EVL: variants seen among roughly 807,000 people sequenced by gnomAD.
The protein encoded by EVL is Enah/Vasp-like, also known as ena/VASP-like protein.
In EVL, 21 loss-of-function variants were observed where a neutral mutation model predicts 59.6. That is an observed-to-expected ratio of 0.35 (90% confidence interval 0.25 to 0.51). The LOEUF (loss-of-function observed/expected upper bound fraction) is 0.51. EVL is among the 20% of genes least tolerant of loss of function. The pLI is 0.97. For synonymous variants in EVL, 198 were observed against 203.5 expected (o/e 0.97, Z 0.23); for missense variants, 462 against 546.6 (o/e 0.85, Z 1.54).
chr14:100,129,598 G>C lies in EVL; in HGVS notation c.753G>C (p.Gly251=). 3.7e-6 allele frequency: 6 copies of C among 1,613,700 alleles called. No individual in the cohort carries two copies. The highest frequency in any genetic ancestry group is 5.1e-6 in the Non-Finnish European group (6 of 1,179,922). Residue 251 remains glycine, a synonymous_variant, in exon 7 of 14, where the codon GGG becomes GGC. Transcript: ENST00000392920. ...CATCTGGAGGCTCCAGTCCCAGTGG[G>C]ACCTCAAAGTCCGATGCCAACCGGG... ...EDASGGSSPS[G]TSKSDANRAS... is the part of the protein sequence containing the mutation.
intron 2 of EVL, among the ~76,000 whole-genome samples, chr14:100,088,459 A>G (rs1309316769): frequency 6.6e-6 from 1 of 152,072 alleles, no homozygotes; most frequent in Non-Finnish European, 1.5e-5. Flanking sequence ...GCTCACACAA[A>G]CCTAGATGGT....
chr14:100,135,017 T>C (rs1356919566), intron 8 of EVL: 1 of 152,280 alleles, frequency 6.6e-6, no homozygotes, highest in Non-Finnish European at 1.5e-5. Context: ...GTGACTCTGA[T>C]GTCACCCTGT....
chr14:100,078,741 C>G (rs1260971878), intron 1 of EVL, among the ~76,000 whole-genome samples: 1 of 152,134 alleles, frequency 6.6e-6, no homozygotes, highest in Admixed American at 6.5e-5. Context: ...GAGTTCCCAG[C>G]AGGGCAGCTC....
At chr14:100,102,381 T>TATG (rs1886278274) in intron 3 of EVL, 1 of 455,988 alleles carries the variant, frequency 2.2e-6, no homozygotes, top group African/African-American at 2.0e-5. Context: ...CGTCATGTGG[T>TATG]ATGTTCCAGG....
intron 1 of EVL, among the ~76,000 whole-genome samples, chr14:99,987,364 G>A (rs1414669406): frequency 1.3e-5 from 2 of 152,132 alleles, no homozygotes; most frequent in East Asian, 1.9e-4. Flanking sequence ...GTTAGAGGCC[G>A]GGCATGGTGG....
intron 1 of EVL, among the ~76,000 whole-genome samples, chr14:100,057,120 G>A (rs1435295783): frequency 6.6e-6 from 1 of 152,198 alleles, no homozygotes; most frequent in Non-Finnish European, 1.5e-5. Context: ...GGTTGTTTCA[G>A]GAGGTGAGGA....
intron 8 of EVL, among the ~76,000 whole-genome samples, chr14:100,133,351 CT>C (rs1242712487): frequency 1.3e-5 from 2 of 152,192 alleles, no homozygotes; most frequent in African/African-American, 4.8e-5. Flanking sequence ...CCATGTTAAG[CT>C]TTTCCTATAA....
At chr14:100,034,769 A>G (rs867676499) in intron 1 of EVL, among the ~76,000 whole-genome samples, 35 of 152,256 alleles carry the variant, frequency 2.3e-4, no homozygotes, top group African/African-American at 8.2e-4. Context: ...ATAAAAGAGT[A>G]TAAGATTAGA....
At chr14:100,133,208 GGAGCTTCAGGT>G (rs562596756) in intron 8 of EVL, among the ~76,000 whole-genome samples, 41 of 152,196 alleles carry the variant, frequency 2.7e-4, no homozygotes, top group Non-Finnish European at 5.9e-4. Context: ...TCTTCCAGCA[GGAGCTTCAGGT>G]GAGCTGTGGC....
chr14:100,125,703 G>A (rs1051929384), intron 4 of EVL, among the ~76,000 whole-genome samples: 6 of 151,876 alleles, frequency 4.0e-5, no homozygotes, highest in African/African-American at 7.3e-5. Context: ...TTACAGGCGC[G>A]CGCCACCACA....
intron 1 of EVL, among the ~76,000 whole-genome samples, chr14:100,028,684 A>G (rs117946286): frequency 4.6e-5 from 7 of 152,108 alleles, no homozygotes; most frequent in Non-Finnish European, 1.0e-4. Flanking sequence ...GGTGACACGC[A>G]CCTGTAGTCC....
rs79749869 is a variant in EVL, at chr14:100,056,618, C to T, written c.6-28069C>T. On this transcript the variant is annotated intron_variant, in intron 1 of 13. Coordinates refer to the EVL transcript ENST00000402714. Reference sequence around the variant, plus strand: ...CCTCCTGGAAATTAGTAATGATGTCCGTAGAATATTCAGTTGCCTTGGCTA... The same window carrying T: ...CCTCCTGGAAATTAGTAATGATGTCTGTAGAATATTCAGTTGCCTTGGCTA... Among the ~76,000 whole-genome samples, 19 of 152,160 alleles carry T rather than the reference C, an allele frequency of 1.2e-4. No homozygotes were observed. The East Asian group carries it at 3.5e-3, about 28-fold the overall frequency.
intron 13 of EVL, among the ~76,000 whole-genome samples, chr14:100,142,874 C>T (rs950007568): frequency 3.9e-5 from 6 of 152,222 alleles, no homozygotes; most frequent in Non-Finnish European, 7.3e-5. Context: ...CCAGGGCCCA[C>T]CACAGCCTCT....
intron 4 of EVL, among the ~76,000 whole-genome samples, chr14:100,125,169 TACACAC>T (rs34405834): frequency 6.8e-4 from 70 of 103,142 alleles, no homozygotes; most frequent in Middle Eastern, 5.4e-3. Flanking sequence ...AAGGCAGGAA[TACACAC>T]ACACACACAC....
At chr14:100,008,368 A>G (rs1288116976) in intron 1 of EVL, among the ~76,000 whole-genome samples, 1 of 152,156 alleles carries the variant, frequency 6.6e-6, no homozygotes, top group Non-Finnish European at 1.5e-5. Flanking sequence ...TGATTGTGTG[A>G]CCCTAGGCAA....
chr14:100,119,825 G>C (rs1197251903), intron 3 of EVL, among the ~76,000 whole-genome samples: 1 of 152,190 alleles, frequency 6.6e-6, no homozygotes. Context: ...GCAGATGTGA[G>C]GCAGAACTTA....
At chr14:99,978,929 T>C (rs527240977) in intron 1 of EVL, among the ~76,000 whole-genome samples, 2 of 152,302 alleles carry the variant, frequency 1.3e-5, no homozygotes, top group South Asian at 4.1e-4. Context: ...GTCCACTTAT[T>C]TTAGCAAAAA....
chr14:100,135,085 C>T (rs1218916511), intron 8 of EVL: 2 of 152,196 alleles, frequency 1.3e-5, no homozygotes, highest in South Asian at 2.1e-4. Flanking sequence ...TGTTATTCAG[C>T]TGTCTTTAAA....
chr14:100,129,716 GC>G, intron 7 of EVL, 32 bp downstream of exon 7: 2 of 1,516,416 alleles, frequency 1.3e-6, no homozygotes, highest in Non-Finnish European at 1.8e-6. Context: ...GACTTGGTGT[GC>G]CTAGCAGGAA....
Sources: allele counts gnomAD v4.1 joint callset (sites outside exome capture counted in the v4.1 genomes callset), GRCh38; gene constraint gnomAD v4.1.1; transcripts MANE v1.5; gene names NCBI Gene and HGNC (gene_info 2026-07-23, HGNC 2026-07-21).